PTPRD: variants seen among roughly 807,000 people sequenced by gnomAD.
PTPRD encodes the protein receptor-type tyrosine-protein phosphatase delta.
PTPRD carries 34 observed loss-of-function variants against 214.5 expected under a neutral mutation model. The ratio of observed to expected loss-of-function variants is 0.16; its 90% CI spans 0.12 to 0.21. The LOEUF is 0.21. Ranked by LOEUF, PTPRD falls within the 10% of genes least tolerant of loss-of-function variation. The pLI is 1.00. For synonymous variants in PTPRD, 1,128 were observed against 845.7 expected (o/e 1.33, Z -5.79); for missense variants, 2,545 against 2,398.7 (o/e 1.06, Z -1.27).
At chr9:9,008,550 G>T (rs998107538) in intron 11 of PTPRD, among the ~76,000 whole-genome samples, 1 of 151,958 alleles carries the variant, frequency 6.6e-6, no homozygotes, top group Non-Finnish European at 1.5e-5. Flanking sequence ...TAGTGAAAAC[G>T]CATTCTAGTG....
chr9:9,556,366 G>A (rs930583006), intron 8 of PTPRD, among the ~76,000 whole-genome samples: 5 of 152,080 alleles, frequency 3.3e-5, no homozygotes, highest in Admixed American at 2.0e-4. Context: ...GGTGGAGGAG[G>A]TAGAAGGGGA....
Position 9,213,385 on chromosome 9 carries a change from G to T in PTPRD, c.-202-30022C>A, listed in dbSNP as rs141482502. ...AACGAAAGTTTACACAAAACACAGT[G>T]TTACTCTGTTATTCGTGCACAGTTA... On this transcript the variant is annotated intron_variant, in intron 9 of 45. Coordinates refer to ENST00000381196, the MANE Select transcript of PTPRD (RefSeq NM_002839.4). Among the ~76,000 whole-genome samples the T allele has an allele frequency of 9.5e-3, 1,450 of 152,250 alleles. 13 individuals carry two copies. Among genetic ancestry groups the T allele is most frequent in the Non-Finnish European group, 0.015 (1,019 of 67,996 alleles).
intron 11 of PTPRD, among the ~76,000 whole-genome samples, chr9:8,928,581 T>TACCA (rs2098921378): frequency 3.1e-3 from 3 of 982 alleles, no homozygotes; most frequent in Non-Finnish European, 5.1e-3. Context: ...TTGGTACCAG[T>TACCA]TGGTTACTCT....
intron 2 of PTPRD, among the ~76,000 whole-genome samples, chr9:10,509,125 C>A (rs887868110): frequency 6.6e-6 from 1 of 151,820 alleles, no homozygotes; most frequent in South Asian, 2.1e-4. Flanking sequence ...AATATCTATG[C>A]ACATATTATA....
chr9:8,728,493 T>C (rs928961762), intron 12 of PTPRD, among the ~76,000 whole-genome samples: 1 of 152,060 alleles, frequency 6.6e-6, no homozygotes, highest in African/African-American at 2.4e-5. Context: ...CCACCACACA[T>C]GGCAAAAACC....
At chr9:10,562,178 C>G (rs1481700033) in intron 2 of PTPRD, among the ~76,000 whole-genome samples, 1 of 152,088 alleles carries the variant, frequency 6.6e-6, no homozygotes, top group Non-Finnish European at 1.5e-5. Context: ...AGATGATGGT[C>G]TGTCTTGAGA....
intron 12 of PTPRD, among the ~76,000 whole-genome samples, chr9:8,640,561 C>CAAAAAAAAAAAAAAA (rs201282830): frequency 3.8e-5 from 4 of 105,468 alleles, no homozygotes; most frequent in Admixed American, 9.7e-5. Context: ...AACAAAAAAA[C>CAAAAAAAAAAAAAAA]AAAAAAAAAA....
At chr9:8,472,282 G>A (rs976990489) in intron 30 of PTPRD, among the ~76,000 whole-genome samples, 2 of 151,928 alleles carry the variant, frequency 1.3e-5, no homozygotes, top group Non-Finnish European at 2.9e-5. Context: ...ACACACACAC[G>A]GACCTAAACA....
chr9:9,787,772 T>TTTATTATTATTATTA (rs373362978), intron 5 of PTPRD, among the ~76,000 whole-genome samples: 1,547 of 149,122 alleles, frequency 0.01, 18 homozygotes, highest in South Asian at 0.04. Context: ...CAATTTTTTA[T>TTTATTATTATTATTA]TTATTATTAT....
chr9:8,427,628 T>G (rs141569672), intron 35 of PTPRD, among the ~76,000 whole-genome samples: 1 of 152,116 alleles, frequency 6.6e-6, no homozygotes, highest in Non-Finnish European at 1.5e-5. Context: ...TGGTTTAAAC[T>G]AGCAAGTTTC....
In PTPRD at chr9:8,360,054, A is replaced by C. The variant is rs2078082636; in HGVS notation, c.4661+15882T>G. On this transcript the variant is annotated intron_variant, in intron 39 of 45. Coordinates refer to ENST00000381196, the MANE Select transcript of PTPRD (RefSeq NM_002839.4). ...TGTGGTGTCATCATGTTTATTCCAA[A>C]AATAATCAGTCATTTCATTTAAGTA... 2.0e-5 allele frequency among the ~76,000 whole-genome samples: 3 copies of C among 152,346 alleles called. No individual in the cohort carries two copies. In the South Asian group the frequency reaches 6.2e-4, roughly 32 times the overall value.
intron 3 of PTPRD, among the ~76,000 whole-genome samples, chr9:10,331,245 A>C (rs1362031001): frequency 1.3e-5 from 2 of 151,870 alleles, no homozygotes; most frequent in African/African-American, 4.8e-5. Context: ...ACTGCAATAA[A>C]AACAGCATGG....
chr9:9,662,428 T>A (rs10759084), intron 7 of PTPRD, among the ~76,000 whole-genome samples: 50,296 of 151,454 alleles, frequency 0.33, 9,627 homozygotes, highest in Admixed American at 0.49. Context: ...ACGCTTTTTC[T>A]TAAGAGAACA....
At chr9:8,990,050 T>C (rs998900932) in intron 11 of PTPRD, among the ~76,000 whole-genome samples, 1 of 152,162 alleles carries the variant, frequency 6.6e-6, no homozygotes, top group African/African-American at 2.4e-5. Context: ...ATAACATGGA[T>C]ACATTTGGAC....
intron 11 of PTPRD, among the ~76,000 whole-genome samples, chr9:8,981,775 A>G (rs2099313989): frequency 6.6e-6 from 1 of 152,088 alleles, no homozygotes; most frequent in African/African-American, 2.4e-5. Flanking sequence ...TAATTGCAAA[A>G]TACTATGCAA....
chr9:9,794,567 G>T (rs1160125826), intron 5 of PTPRD, among the ~76,000 whole-genome samples: 1 of 151,994 alleles, frequency 6.6e-6, no homozygotes, highest in African/African-American at 2.4e-5. Flanking sequence ...CAAACAAGGA[G>T]AATTTAGACT....
At chr9:8,704,528 A>G (rs2098159846) in intron 12 of PTPRD, among the ~76,000 whole-genome samples, 4 of 152,122 alleles carry the variant, frequency 2.6e-5, no homozygotes, top group Admixed American at 2.6e-4. Context: ...AATGGACTTA[A>G]TGTCTCCCTT....
At chr9:10,090,120 A>G (rs546147470) in intron 3 of PTPRD, among the ~76,000 whole-genome samples, 181 of 151,784 alleles carry the variant, frequency 1.2e-3, no homozygotes, top group African/African-American at 4.2e-3. Flanking sequence ...GCATATCCAT[A>G]TAGCATAGCA....
chr9:10,400,473 T>C (rs1456686124), intron 2 of PTPRD, among the ~76,000 whole-genome samples: 1 of 151,670 alleles, frequency 6.6e-6, no homozygotes, highest in Non-Finnish European at 1.5e-5. Flanking sequence ...AGGTAAGCCA[T>C]AGCTAGCACC....
Sources: gnomAD v4.1 joint callset for allele counts (sites outside exome capture counted in the v4.1 genomes callset) on GRCh38, gnomAD v4.1.1 for gene constraint, MANE v1.5 for transcripts, NCBI Gene and HGNC (gene_info 2026-07-23, HGNC 2026-07-21) for gene names.